CHL1: variants seen among roughly 807,000 people sequenced by gnomAD.
CHL1 encodes neural cell adhesion molecule L1-like protein.
Under a neutral mutation model 141.9 loss-of-function variants are expected in CHL1, and 96 were observed. That is an observed-to-expected ratio of 0.68 (90% confidence interval 0.57 to 0.80). The LOEUF is 0.80. Among genes scored for constraint, CHL1 ranks in the 30% least tolerant of loss-of-function variants. The pLI is 0.00. For synonymous variants in CHL1, 613 were observed against 502.2 expected (o/e 1.22, Z -2.95); for missense variants, 1,820 against 1,457.2 (o/e 1.25, Z -4.05).
intron 2 of CHL1, among the ~76,000 whole-genome samples, chr3:291,176 AG>A (rs1304066837): frequency 6.6e-6 from 1 of 152,030 alleles, no homozygotes; most frequent in Non-Finnish European, 1.5e-5. Flanking sequence ...CAAGGTAAAG[AG>A]GAAGAGGTTG....
At chr3:223,177 C>G (rs1020924076) in intron 1 of CHL1, among the ~76,000 whole-genome samples, 1 of 152,120 alleles carries the variant, frequency 6.6e-6, no homozygotes, top group Non-Finnish European at 1.5e-5. Flanking sequence ...GTTGCTCCAC[C>G]CTTTAAACTC....
chr3:255,341 T>C (rs434172), intron 2 of CHL1, among the ~76,000 whole-genome samples: 25,242 of 152,188 alleles, frequency 0.17, 2,354 homozygotes, highest in East Asian at 0.39. Flanking sequence ...TAGAGTTTCA[T>C]GTGATCATAA....
intron 2 of CHL1, among the ~76,000 whole-genome samples, chr3:258,113 C>A (rs1694351987): frequency 1.3e-5 from 2 of 152,284 alleles, no homozygotes; most frequent in Non-Finnish European, 1.5e-5. Flanking sequence ...CTGCAGGGCC[C>A]TTTTAATGGC....
chr3:396,803 A>G (rs1708710604), intron 24 of CHL1, among the ~76,000 whole-genome samples: 1 of 152,158 alleles, frequency 6.6e-6, no homozygotes, highest in Non-Finnish European at 1.5e-5. Context: ...CTATAAGTAC[A>G]GGGAAAAAAA....
chr3:389,756 C>T (rs977611062), intron 20 of CHL1, among the ~76,000 whole-genome samples: 9 of 152,156 alleles, frequency 5.9e-5, no homozygotes, highest in South Asian at 2.1e-4. Flanking sequence ...ATTATCACTG[C>T]AATCATTTAA....
chr3:218,444 G>A (rs183045398), intron 1 of CHL1, among the ~76,000 whole-genome samples: 2 of 152,290 alleles, frequency 1.3e-5, no homozygotes, highest in African/African-American at 2.4e-5. Flanking sequence ...TCATATTTAA[G>A]TTTCCTCAAG....
At chr3:397,670 C>A (rs1319691161) in intron 24 of CHL1, among the ~76,000 whole-genome samples, 1 of 151,964 alleles carries the variant, frequency 6.6e-6, no homozygotes, top group Non-Finnish European at 1.5e-5. Context: ...CTTCTCACAC[C>A]ACTTTCAAAA....
intron 2 of CHL1, among the ~76,000 whole-genome samples, chr3:278,294 G>C (rs1439683601): frequency 6.6e-6 from 1 of 152,100 alleles, no homozygotes; most frequent in African/African-American, 2.4e-5. Flanking sequence ...TTTCCTTGTG[G>C]CCCATAGGAG....
At chr3:357,917 T>C (rs1186934584) in intron 11 of CHL1, among the ~76,000 whole-genome samples, 1 of 152,148 alleles carries the variant, frequency 6.6e-6, no homozygotes, top group Admixed American at 6.5e-5. Context: ...GAGTGGGGTG[T>C]GGAAGTGAAG....
intron 15 of CHL1, among the ~76,000 whole-genome samples, chr3:368,552 C>T (rs772521802): frequency 1.1e-4 from 16 of 152,154 alleles, no homozygotes; most frequent in Non-Finnish European, 1.9e-4. Flanking sequence ...TGCCTGTTCG[C>T]TCTGATGATA....
At chr3:388,604 A>G (rs1387782749) in intron 19 of CHL1, among the ~76,000 whole-genome samples, 2 of 152,088 alleles carry the variant, frequency 1.3e-5, no homozygotes, top group African/African-American at 2.4e-5. Flanking sequence ...AAATATTTCT[A>G]TGGAGAAAAA....
intron 1 of CHL1, among the ~76,000 whole-genome samples, chr3:233,237 G>A (rs1018060896): frequency 3.9e-5 from 6 of 152,114 alleles, no homozygotes; most frequent in Admixed American, 1.3e-4. Context: ...TTTCAGCCTC[G>A]TCTCTTTTTA....
At chr3:392,669 G>A (rs1708325731) in intron 23 of CHL1, among the ~76,000 whole-genome samples, 1 of 152,200 alleles carries the variant, frequency 6.6e-6, no homozygotes, top group Non-Finnish European at 1.5e-5. Flanking sequence ...AGCACACACT[G>A]CTTACTAGTC....
Position 197,536 on chromosome 3 carries a change from C to G in CHL1, c.-175+473C>G, listed in dbSNP as rs1057202556. The G allele has an allele frequency of 2.3e-5, 6 of 263,876 alleles. No individual in the cohort carries two copies. In the Admixed American group the frequency reaches 2.5e-4, roughly 11 times the overall value. 16.3% of individuals were successfully genotyped at this position (263,876 alleles called of 1,614,324 possible). The stretch of plus-strand genomic sequence containing the variant: ...CTGTCTCCCACCGCGCCCCTCGCTC[C>G]CCTGGACACCGCCTGGTGTGTGGGG... On this transcript the variant is annotated intron_variant, in intron 1 of 27. Transcript: ENST00000256509.
chr3:200,747 A>G (rs997944877), intron 1 of CHL1, among the ~76,000 whole-genome samples: 4 of 152,154 alleles, frequency 2.6e-5, no homozygotes, highest in Non-Finnish European at 4.4e-5. Context: ...TTAAAGTGAA[A>G]TCTCTTATAT....
chr3:327,383 T>A (rs1302245469), intron 4 of CHL1, among the ~76,000 whole-genome samples: 1 of 151,790 alleles, frequency 6.6e-6, no homozygotes, highest in Non-Finnish European at 1.5e-5. Context: ...TTCATAGAAC[T>A]GACACTCTAG....
chr3:313,813 C>T (rs1329789130), intron 2 of CHL1, among the ~76,000 whole-genome samples: 1 of 152,040 alleles, frequency 6.6e-6, no homozygotes, highest in Non-Finnish European at 1.5e-5. Flanking sequence ...AGGATCAAAG[C>T]ATTAAAGAAA....
rs141904054 is a variant in CHL1 at position 247,888 on chromosome 3, C to G, written c.-95+3196C>G. On this transcript the variant is annotated intron_variant, in intron 2 of 27. Coordinates refer to ENST00000256509, the MANE Select transcript of CHL1 (RefSeq NM_006614.4). ...AGTTGTATGCTCTTCAGCAATGATG[C>G]TACCCCATATCCTTTTTTTTTCTTT... is the stretch of plus-strand genomic sequence containing the variant. The G allele has an allele frequency of 1.7e-3, 261 of 152,238 alleles. 1 individual carries two copies. The highest frequency in any genetic ancestry group is 5.9e-3 in the African/African-American group (245 of 41,560). The allele number at this position is 152,238 out of a possible 1,614,324, so 9.4% of individuals were successfully genotyped here.
chr3:280,266 T>C (rs1269471120), intron 2 of CHL1, among the ~76,000 whole-genome samples: 2 of 151,812 alleles, frequency 1.3e-5, no homozygotes, highest in African/African-American at 4.8e-5. Context: ...TCTAAAAGAA[T>C]GAGGGATTTT....
Sources: allele counts gnomAD v4.1 joint callset (sites outside exome capture counted in the v4.1 genomes callset), GRCh38; gene constraint gnomAD v4.1.1; transcripts MANE v1.5; gene names NCBI Gene and HGNC (gene_info 2026-07-23, HGNC 2026-07-21).